The following ADGRE3 variants were observed in gnomAD, a reference collection of about 807,000 sequenced individuals.
ADGRE3 encodes EGF-like module receptor 3.
In ADGRE3, 88 loss-of-function variants were observed where a neutral mutation model predicts 80.1. That is an observed-to-expected ratio of 1.10 (90% CI 0.93 to 1.31). ADGRE3 has a LOEUF of 1.31. Ranked by LOEUF, ADGRE3 falls within the 40% of genes most tolerant of loss-of-function variation. ADGRE3 has a pLI of 0.00. For missense variants in ADGRE3, 715 were observed against 776.5 expected (o/e 0.92, Z 0.94); for synonymous variants, 281 against 294.8 (o/e 0.95, Z 0.48).
At chr19:14,630,333 C>T in intron 13 of ADGRE3, 126 bp from the exon 14 acceptor site, 2 of 621,112 alleles carry the variant, frequency 3.2e-6, no homozygotes, top group Non-Finnish European at 2.5e-6. Context: ...GAAGCCAGCA[C>T]TGGCTACCTG....
chr19:14,655,234 G>C (rs770284256), intron 5 of ADGRE3, 69 bp from the exon 6 acceptor site: 54 of 1,397,264 alleles, frequency 3.9e-5, no homozygotes, highest in Non-Finnish European at 4.9e-5. Flanking sequence ...CAAAAGAACA[G>C]TAGAAAGCAT....
the ADGRE3 span, among the ~76,000 whole-genome samples, chr19:14,603,025 G>A: frequency 3.2e-4 from 49 of 152,320 alleles, no homozygotes; most frequent in Admixed American, 8.5e-4. Flanking sequence ...ATAAGCCACC[G>A]TGGCTGGCCA....
chr19:14,647,058 G>A (rs1971427456), intron 8 of ADGRE3, 123 bp downstream of exon 8: 5 of 680,470 alleles, frequency 7.3e-6, no homozygotes, highest in South Asian at 4.2e-5. Flanking sequence ...GCTCAATAGC[G>A]ACAGGTGCTC....
chr19:14,620,448 G>A (rs1486461254), intron 15 of ADGRE3, among the ~76,000 whole-genome samples: 3 of 125,490 alleles, frequency 2.4e-5, no homozygotes, highest in African/African-American at 9.4e-5. Flanking sequence ...GTATATTCAT[G>A]TATATATGAA....
At chr19:14,663,724 A>G (rs1490219188) in intron 2 of ADGRE3, among the ~76,000 whole-genome samples, 184 bp from the exon 3 acceptor site, 1 of 151,650 alleles carries the variant, frequency 6.6e-6, no homozygotes, top group Non-Finnish European at 1.5e-5. Context: ...CTATAATCCT[A>G]GCTACTCAGG....
downstream of ADGRE3, among the ~76,000 whole-genome samples, chr19:14,618,846 CA>C (rs771965258): frequency 0.092 from 5,658 of 61,518 alleles, 54 homozygotes; most frequent in Non-Finnish European, 0.1. Flanking sequence ...AACTCCATCT[CA>C]AAAAAAAAAA....
chr19:14,607,286 G>A, the ADGRE3 span, among the ~76,000 whole-genome samples: 2 of 149,766 alleles, frequency 1.3e-5, no homozygotes, highest in Non-Finnish European at 3.0e-5. Flanking sequence ...CTCACTGCAA[G>A]CTCCGCCTCC....
At chr19:14,647,410 C>CAT in intron 7 of ADGRE3, 45 bp from the exon 8 acceptor site, 1 of 939,996 alleles carries the variant, frequency 1.1e-6, no homozygotes, top group Non-Finnish European at 1.5e-6. Flanking sequence ...TCTTTTCTTT[C>CAT]TTTTTTTTTT....
downstream of ADGRE3, among the ~76,000 whole-genome samples, chr19:14,617,116 G>A (rs2075079090): frequency 6.6e-6 from 1 of 151,920 alleles, no homozygotes. Flanking sequence ...AATTTTGGCT[G>A]TGAAGAGGAG....
At chr19:14,614,650 C>T (rs947635421), downstream of ADGRE3, among the ~76,000 whole-genome samples, 6 of 149,998 alleles carry the variant, frequency 4.0e-5, no homozygotes, top group Non-Finnish European at 8.9e-5. Flanking sequence ...GATCTCGGCT[C>T]ACTGCAACCT....
chr19:14,626,780 G>C (rs1370787553), intron 14 of ADGRE3, among the ~76,000 whole-genome samples: 2 of 152,208 alleles, frequency 1.3e-5, no homozygotes, highest in Non-Finnish European at 2.9e-5. Context: ...CTCTGGGGTA[G>C]AGCATGGAAC....
At chr19:14,617,352 T>C (rs556140819), downstream of ADGRE3, among the ~76,000 whole-genome samples, 8,308 of 91,088 alleles carry the variant, frequency 0.091, 392 homozygotes, top group Non-Finnish European at 0.12. Flanking sequence ...CTTTCTTTCT[T>C]TCTTTCTTTC....
chr19:14,615,817 T>C (rs1300825254), downstream of ADGRE3, among the ~76,000 whole-genome samples: 2 of 151,578 alleles, frequency 1.3e-5, no homozygotes, highest in East Asian at 3.9e-4. Context: ...TAGAGTGCAG[T>C]GGTGCAATCA....
At chr19:14,610,366 C>T in the ADGRE3 span, 4 of 899,976 alleles carry the variant, frequency 4.4e-6, no homozygotes, top group East Asian at 8.1e-5. Flanking sequence ...CAGGCTGTTT[C>T]TAGAGTGAGG....
intron 10 of ADGRE3, among the ~76,000 whole-genome samples, 181 bp from the exon 11 acceptor site, chr19:14,638,521 G>A (rs748036661): frequency 1.2e-4 from 18 of 152,126 alleles, no homozygotes; most frequent in Non-Finnish European, 2.2e-4. Flanking sequence ...AGGCTGAGGT[G>A]GGAGGATTGC....
chr19:14,639,179 G>T (rs143353593), intron 10 of ADGRE3, among the ~76,000 whole-genome samples: 83 of 152,112 alleles, frequency 5.5e-4, no homozygotes, highest in African/African-American at 2.0e-3. Context: ...AGCATGAACC[G>T]CCACCCCAGT....
At chr19:14,612,922 T>A in the ADGRE3 span, among the ~76,000 whole-genome samples, 1 of 126,818 alleles carries the variant, frequency 7.9e-6, no homozygotes, top group Non-Finnish European at 1.7e-5. Flanking sequence ...TCCAAACCAA[T>A]CAATTTATTT....
intron 15 of ADGRE3, among the ~76,000 whole-genome samples, chr19:14,623,987 C>G (rs182880978): frequency 1.3e-5 from 2 of 152,230 alleles, no homozygotes; most frequent in Admixed American, 6.5e-5. Flanking sequence ...ACTAGCTCCT[C>G]AAAGCTACCC....
In ADGRE3 at chr19:14,636,081, C is replaced by CTTTCTTTCTTTCTTTTTCTTT. The variant is rs1555755785; in HGVS notation, c.1484+2023_1484+2024insAAAGAAAAAGAAAGAAAGAAA. On this transcript the variant is annotated intron_variant, in intron 11 of 15. Coordinates refer to ENST00000253673, the MANE Select transcript of ADGRE3 (RefSeq NM_032571.5). ...CCTTCCTTTCCTTTCCTTTCCTTTCCCTTTCTTTCTTTCTTTCTTTCTTTC... is the reference window on the plus strand; with the variant it reads ...CCTTCCTTTCCTTTCCTTTCCTTTCCTTTCTTTCTTTCTTTTTCTTTCTTTCTTTCTTTCTTTCTTTCTTTC... Among the ~76,000 whole-genome samples the CTTTCTTTCTTTCTTTTTCTTT allele has an allele frequency of 5.7e-3, 141 of 24,678 alleles. 7 individuals are homozygous for CTTTCTTTCTTTCTTTTTCTTT. The highest frequency in any genetic ancestry group is 0.013 in the East Asian group (9 of 676). 16.2% of individuals were successfully genotyped at this position (24,678 alleles called of 152,430 possible).
Sources: gnomAD v4.1 joint callset for allele counts (sites outside exome capture counted in the v4.1 genomes callset) on GRCh38, gnomAD v4.1.1 for gene constraint, MANE v1.5 for transcripts, NCBI Gene and HGNC (gene_info 2026-07-23, HGNC 2026-07-21) for gene names.